Variants in ENOX1 observed in about 807,000 individuals in gnomAD.
The protein encoded by ENOX1 is ecto-NOX disulfide-thiol exchanger 1, also known as candidate growth-related and time keeping constitutive hydroquinone (NADH) oxidase.
Under a neutral mutation model 82.5 loss-of-function variants are expected in ENOX1, and 42 were observed. The observed-to-expected ratio is 0.51, with a 90% confidence interval of 0.40 to 0.66. The LOEUF is 0.66. Ranked by LOEUF, ENOX1 falls within the 30% of genes least tolerant of loss-of-function variation. The pLI is 0.00. For missense variants in ENOX1, 608 were observed against 811.6 expected, an observed-to-expected ratio of 0.75 and a Z score of 3.05; for synonymous variants, 271 against 282.2, an observed-to-expected ratio of 0.96 and a Z score of 0.40.
At position 43,561,039 on chromosome 13, in the gene ENOX1, C is replaced by A. The variant is rs117970081; in HGVS notation, c.-218-76887G>T. ...TTCCTCTGCTTCCCTATCAATAATTCTGGGAGGAGTGGGAGAGAGAACAGT... is the reference window on the plus strand; with the variant it reads ...TTCCTCTGCTTCCCTATCAATAATTATGGGAGGAGTGGGAGAGAGAACAGT... On this transcript the variant is annotated intron_variant, in intron 2 of 16. Coordinates refer to ENST00000690772, the MANE Select transcript of ENOX1 (RefSeq NM_001347969.2). 8.9e-3 allele frequency among the ~76,000 whole-genome samples: 1,353 copies of A among 152,242 alleles called. 11 individuals are homozygous for A. Among genetic ancestry groups the A allele is most frequent in the Non-Finnish European group, 0.015 (997 of 68,012 alleles).
intron 15 of ENOX1, among the ~76,000 whole-genome samples, chr13:43,227,336 G>A (rs2153453977): frequency 6.6e-6 from 1 of 152,294 alleles, no homozygotes; most frequent in East Asian, 1.9e-4. Context: ...TAGTCTTTGT[G>A]TGTTCTGGTT....
At chr13:43,772,631 C>A (rs1367082768) in intron 1 of ENOX1, among the ~76,000 whole-genome samples, 1 of 151,982 alleles carries the variant, frequency 6.6e-6, no homozygotes, top group Non-Finnish European at 1.5e-5. Context: ...CACCTGTAAT[C>A]CCAGCTACTC....
intron 15 of ENOX1, among the ~76,000 whole-genome samples, chr13:43,230,267 A>C (rs762700085): frequency 5.3e-5 from 8 of 152,232 alleles, no homozygotes; most frequent in Non-Finnish European, 1.0e-4. Context: ...GATGTGGAAA[A>C]GAATGGTTTT....
chr13:43,549,477 C>T (rs1326856604), intron 2 of ENOX1, among the ~76,000 whole-genome samples: 2 of 152,180 alleles, frequency 1.3e-5, no homozygotes, highest in Non-Finnish European at 2.9e-5. Flanking sequence ...ATAACTAATT[C>T]ATCTCTAACT....
In ENOX1 at chr13:43,464,999, C is replaced by T. The variant is rs958942745; in HGVS notation, c.-75+19010G>A. Among the ~76,000 whole-genome samples, 6 of 152,122 alleles carry T rather than the reference C, an allele frequency of 3.9e-5. No homozygotes were observed. In the East Asian group the frequency reaches 7.7e-4, roughly 20 times the overall value. ...TTAGGGTTATTGGGAAGAATATCAC[C>T]GAGGTAAGGTAAACTTCTCATCACA... On this transcript the variant is annotated intron_variant, in intron 3 of 16. Coordinates refer to ENST00000690772, the MANE Select transcript of ENOX1 (RefSeq NM_001347969.2).
Position 43,766,090 on chromosome 13 carries a change from G to A in ENOX1, c.-285+20562C>T, listed in dbSNP as rs1373505658. On this transcript the variant is annotated intron_variant, in intron 1 of 16. Coordinates refer to ENST00000690772, the MANE Select transcript of ENOX1 (RefSeq NM_001347969.2). ...TTGATTAGCTGCATTTTTCCGCTTG[G>A]ACATGTGGCTAGACACAGATTCTAC... is the stretch of plus-strand genomic sequence containing the variant. Among the ~76,000 whole-genome samples the A allele has an allele frequency of 3.3e-5, 5 of 152,112 alleles. No homozygotes were observed. In the South Asian group the frequency reaches 6.2e-4, roughly 19 times the overall value.
intron 2 of ENOX1, among the ~76,000 whole-genome samples, chr13:43,603,657 A>G (rs9567229): frequency 0.38 from 50,487 of 131,282 alleles, 11,519 homozygotes; most frequent in East Asian, 0.76. Context: ...TTGTTCTTGC[A>G]ATAGTTTACT....
intron 1 of ENOX1, among the ~76,000 whole-genome samples, chr13:43,779,724 C>T (rs1272733230): frequency 6.6e-6 from 1 of 152,138 alleles, no homozygotes; most frequent in Non-Finnish European, 1.5e-5. Flanking sequence ...TGGACTCTAC[C>T]AGGTCCTCCA....
At chr13:43,646,398 A>C (rs1419748961) in intron 2 of ENOX1, among the ~76,000 whole-genome samples, 1 of 152,192 alleles carries the variant, frequency 6.6e-6, no homozygotes, top group African/African-American at 2.4e-5. Flanking sequence ...CCTCCCTCTA[A>C]AGCCCAGAAC....
chr13:43,652,401 A>G (rs930756704), intron 2 of ENOX1, among the ~76,000 whole-genome samples: 1 of 152,208 alleles, frequency 6.6e-6, no homozygotes, highest in African/African-American at 2.4e-5. Flanking sequence ...ACATGCTGGC[A>G]CAGAAGTTAG....
At chr13:43,252,045 G>GTCA (rs1171595058) in intron 14 of ENOX1, among the ~76,000 whole-genome samples, 8 of 152,130 alleles carry the variant, frequency 5.3e-5, no homozygotes, top group South Asian at 2.1e-4. Context: ...ATAGTTTCAA[G>GTCA]TCATCTTCCT....
chr13:43,650,090 G>A (rs1247576404), intron 2 of ENOX1, among the ~76,000 whole-genome samples: 2 of 152,180 alleles, frequency 1.3e-5, no homozygotes, highest in Non-Finnish European at 2.9e-5. Context: ...ACAAAGAATG[G>A]GGTGAAGAGG....
chr13:43,351,402 T>G (rs1177928375), intron 8 of ENOX1, among the ~76,000 whole-genome samples: 2 of 140,942 alleles, frequency 1.4e-5, no homozygotes, highest in Admixed American at 7.0e-5. Flanking sequence ...CTTTTTATTT[T>G]ATTTATTTAT....
intron 2 of ENOX1, among the ~76,000 whole-genome samples, chr13:43,529,834 A>G (rs1273675934): frequency 1.3e-5 from 2 of 151,576 alleles, no homozygotes; most frequent in Non-Finnish European, 3.0e-5. Flanking sequence ...AGAAGTGCCA[A>G]GTTTACTCCT....
chr13:43,373,693 C>A (rs1490864350), intron 5 of ENOX1, among the ~76,000 whole-genome samples: 5 of 152,180 alleles, frequency 3.3e-5, no homozygotes, highest in Admixed American at 1.3e-4. Flanking sequence ...AGGCCCTGGC[C>A]AGATTTACTT....
chr13:43,718,293 A>G (rs1416867710), intron 1 of ENOX1, among the ~76,000 whole-genome samples: 1 of 152,186 alleles, frequency 6.6e-6, no homozygotes, highest in African/African-American at 2.4e-5. Flanking sequence ...ACCAAATACA[A>G]TATGATCTCA....
chr13:43,247,846 TA>T (rs58401587), intron 14 of ENOX1, among the ~76,000 whole-genome samples: 172 of 4,700 alleles, frequency 0.037, 18 homozygotes, highest in Non-Finnish European at 0.069. Context: ...TATATATATA[TA>T]TATATATATA....
chr13:43,712,350 T>C (rs1440241203), intron 1 of ENOX1, among the ~76,000 whole-genome samples: 2 of 151,860 alleles, frequency 1.3e-5, no homozygotes, highest in African/African-American at 2.4e-5. Flanking sequence ...TGAAGTCAGG[T>C]AGCATGATGC....
intron 12 of ENOX1, among the ~76,000 whole-genome samples, chr13:43,279,046 C>T (rs780172924): frequency 2.0e-4 from 31 of 152,042 alleles, no homozygotes; most frequent in African/African-American, 5.1e-4. Flanking sequence ...GTGCCTGAGA[C>T]GGGGAGAGTC....
Sources: gnomAD v4.1 joint callset for allele counts (sites outside exome capture counted in the v4.1 genomes callset) on GRCh38, gnomAD v4.1.1 for gene constraint, MANE v1.5 for transcripts, NCBI Gene and HGNC (gene_info 2026-07-23, HGNC 2026-07-21) for gene names.